The following GNPTAB variants were observed in gnomAD, a reference collection of about 807,000 sequenced individuals.
GNPTAB encodes N-acetylglucosamine-1-phosphate transferase subunits alpha and beta, also known as N-acetylglucosamine-1-phosphotransferase subunits alpha/beta.
In GNPTAB, 92 loss-of-function variants were observed where a neutral mutation model predicts 136.6. The ratio of observed to expected loss-of-function variants is 0.67; its 90% CI spans 0.57 to 0.80. The LOEUF (loss-of-function observed/expected upper bound fraction) is 0.80. GNPTAB is among the 30% of genes least tolerant of loss of function. The pLI is 0.00. For synonymous variants in GNPTAB, 512 were observed against 535.1 expected (o/e 0.96, Z 0.60); for missense variants, 1,343 against 1,501.8 (o/e 0.89, Z 1.75).
chr12:101,760,257 G>T, intron 15 of GNPTAB, 114 bp from the exon 16 acceptor site: 2 of 726,666 alleles, frequency 2.8e-6, no homozygotes, highest in South Asian at 3.0e-5. Flanking sequence ...TATCTTCAAA[G>T]AGAGTCTGAC....
At chr12:101,797,802 T>C (rs1314509473) in intron 1 of GNPTAB, among the ~76,000 whole-genome samples, 1 of 152,068 alleles carries the variant, frequency 6.6e-6, no homozygotes, top group African/African-American at 2.4e-5. Flanking sequence ...CACACATACA[T>C]CCCATTTTCT....
At chr12:101,819,159 C>T (rs1328647786) in intron 1 of GNPTAB, among the ~76,000 whole-genome samples, 2 of 152,016 alleles carry the variant, frequency 1.3e-5, no homozygotes, top group African/African-American at 4.8e-5. Flanking sequence ...TTACAGGTGC[C>T]CGCCACCACA....
At chr12:101,771,548 C>G (rs567994954) in intron 7 of GNPTAB, among the ~76,000 whole-genome samples, 2 of 152,154 alleles carry the variant, frequency 1.3e-5, no homozygotes, top group South Asian at 4.1e-4. Context: ...CTGGCCTGAT[C>G]TTTAATCTTG....
chr12:101,823,374 C>T (rs1304834079), intron 1 of GNPTAB, among the ~76,000 whole-genome samples: 1 of 152,002 alleles, frequency 6.6e-6, no homozygotes, highest in Non-Finnish European at 1.5e-5. Flanking sequence ...CTTTGGGAGG[C>T]CAAGACAGGC....
chr12:101,760,148 CAAAGAA>C lies in GNPTAB; in HGVS notation c.3136-11_3136-6del. The C allele has an allele frequency of 6.5e-7, 1 of 1,535,890 alleles. No individual in the cohort carries two copies. The highest frequency in any genetic ancestry group is 9.0e-7 in the Non-Finnish European group (1 of 1,109,580). ...GTGTTCCAGACCTGTCAAATCCTAA[CAAAGAA>C]AAAGATGATAAATCTGTTATGCGCA... On this transcript the variant is annotated splice_polypyrimidine_tract_variant and splice_region_variant and intron_variant, in intron 15 of 20. Transcript: ENST00000299314.
At chr12:101,763,128 A>C (rs931259303) in intron 13 of GNPTAB, among the ~76,000 whole-genome samples, 2 of 151,562 alleles carry the variant, frequency 1.3e-5, no homozygotes, top group Non-Finnish European at 2.9e-5. Flanking sequence ...AGGCTGAGAC[A>C]GGAGAATCTC....
At chr12:101,772,718 C>G (rs1001020651) in intron 7 of GNPTAB, among the ~76,000 whole-genome samples, 8 of 152,238 alleles carry the variant, frequency 5.3e-5, no homozygotes, top group African/African-American at 1.7e-4. Context: ...ACCCTCTGGC[C>G]TTTCCTGTCC....
At chr12:101,769,675 A>G (rs1295596362) in intron 10 of GNPTAB, among the ~76,000 whole-genome samples, 1 of 152,136 alleles carries the variant, frequency 6.6e-6, no homozygotes, top group East Asian at 1.9e-4. Flanking sequence ...AGCTCACTGC[A>G]GCCTCAACAT....
chr12:101,805,749 G>C lies in GNPTAB; in HGVS notation c.118-8987C>G, dbSNP rs1333432707. ...TTTAAAAAAATTGCTCCTTTCTTGA[G>C]GAGCAATTGGCAGTGTGTACCAAAG... On this transcript the variant is annotated intron_variant, in intron 1 of 20. Transcript: ENST00000299314. Among the ~76,000 whole-genome samples, 4 of 152,102 alleles carry C rather than the reference G, an allele frequency of 2.6e-5. No individual in the cohort carries two copies. In the East Asian group the frequency reaches 7.7e-4, roughly 29 times the overall value.
chr12:101,786,372 A>G (rs1328140088), intron 4 of GNPTAB, among the ~76,000 whole-genome samples, 155 bp from the exon 5 acceptor site: 1 of 152,248 alleles, frequency 6.6e-6, no homozygotes, highest in Non-Finnish European at 1.5e-5. Context: ...TGGATACAAA[A>G]ATTAAGTTAG....
chr12:101,826,703 C>T (rs1253371705), intron 1 of GNPTAB, among the ~76,000 whole-genome samples: 1 of 151,708 alleles, frequency 6.6e-6, no homozygotes, highest in East Asian at 1.9e-4. Context: ...ATAATGATGG[C>T]CCTGAAATAA....
intron 20 of GNPTAB, among the ~76,000 whole-genome samples, chr12:101,747,634 G>A (rs1230079068): frequency 3.7e-5 from 1 of 27,372 alleles, no homozygotes; most frequent in Non-Finnish European, 6.1e-5. Flanking sequence ...CTGTCTCTGG[G>A]TTGATATGAT....
At position 101,790,148 on chromosome 12, in the gene GNPTAB, T is replaced by C. The variant is rs147843485; in HGVS notation, c.204-91A>G. On this transcript the variant is annotated intron_variant, in intron 2 of 20. Coordinates refer to ENST00000299314, the MANE Select transcript of GNPTAB (RefSeq NM_024312.5). Reference sequence around the variant, plus strand: ...TCACAGGGTTTAAACCCAGAGATTATGAAAAAAATCTCTGAAGAAGTAATC... The same window carrying C: ...TCACAGGGTTTAAACCCAGAGATTACGAAAAAAATCTCTGAAGAAGTAATC... 4.3e-4 allele frequency: 679 copies of C among 1,567,476 alleles called. 2 individuals are homozygous for C. The African/African-American group carries it at 5.3e-3, about 12-fold the overall frequency.
At chr12:101,748,621 G>A (rs563646107) in intron 20 of GNPTAB, among the ~76,000 whole-genome samples, 2 of 152,286 alleles carry the variant, frequency 1.3e-5, no homozygotes, top group South Asian at 2.1e-4. Context: ...GGAGGAAGGA[G>A]GAGAGAGGAG....
At chr12:101,790,242 T>A (rs1868906036) in intron 2 of GNPTAB, among the ~76,000 whole-genome samples, 185 bp from the exon 3 acceptor site, 1 of 152,242 alleles carries the variant, frequency 6.6e-6, no homozygotes, top group African/African-American at 2.4e-5. Flanking sequence ...ATTTGTCAAG[T>A]ACCTCCTCTG....
chr12:101,789,648 C>G (rs548307394), intron 3 of GNPTAB, among the ~76,000 whole-genome samples: 2 of 152,152 alleles, frequency 1.3e-5, no homozygotes, highest in Admixed American at 6.5e-5. Context: ...TCACGCCCAA[C>G]AAACTTTTTA....
At chr12:101,800,368 C>T (rs1022169925) in intron 1 of GNPTAB, among the ~76,000 whole-genome samples, 2 of 151,890 alleles carry the variant, frequency 1.3e-5, no homozygotes, top group Non-Finnish European at 1.5e-5. Context: ...AAATTATGGT[C>T]TTCTCTTGCG....
chr12:101,757,708 G>A (rs765943591), intron 16 of GNPTAB, 51 bp from the exon 17 acceptor site: 6 of 882,420 alleles, frequency 6.8e-6, no homozygotes, highest in Middle Eastern at 2.2e-4. Context: ...TGAAACTAGG[G>A]CAATTTAGTC....
chr12:101,792,635 T>C lies in GNPTAB; in HGVS notation c.204-2578A>G, dbSNP rs71464290. On this transcript the variant is annotated intron_variant, in intron 2 of 20. Transcript: ENST00000299314. ...CTTTAACCACCTCCTCCTTCCTCAATTCCCTCCCTTCCCTCACCTCTCACA... is the reference window on the plus strand; with the variant it reads ...CTTTAACCACCTCCTCCTTCCTCAACTCCCTCCCTTCCCTCACCTCTCACA... 9.3e-3 allele frequency among the ~76,000 whole-genome samples: 1,423 copies of C among 152,224 alleles called. 11 individuals carry two copies. Among genetic ancestry groups the C allele is most frequent in the Non-Finnish European group, 0.014 (972 of 67,988 alleles).
Sources: allele counts gnomAD v4.1 joint callset (sites outside exome capture counted in the v4.1 genomes callset), GRCh38; gene constraint gnomAD v4.1.1; transcripts MANE v1.5; gene names NCBI Gene and HGNC (gene_info 2026-07-23, HGNC 2026-07-21).